Variants in TET3 observed in about 807,000 individuals in gnomAD.
The protein encoded by TET3 is methylcytosine dioxygenase TET3.
Under a neutral mutation model 141.4 loss-of-function variants are expected in TET3, and 19 were observed. That is an observed-to-expected ratio of 0.13 (90% CI 0.09 to 0.20). The LOEUF (loss-of-function observed/expected upper bound fraction) is 0.20, where lower values mean the gene tolerates loss of function less well. TET3 is among the 10% of genes least tolerant of loss of function. The pLI, the probability that TET3 is intolerant of heterozygous loss-of-function variation, is 1.00. For missense variants in TET3, 1,874 were observed against 2,356.9 expected (o/e 0.80, Z 4.24); for synonymous variants, 1,043 against 980.9 (o/e 1.06, Z -1.18).
chr2:74,001,242 G>A (rs112860517), intron 2 of TET3, among the ~76,000 whole-genome samples: 5 of 152,278 alleles, frequency 3.3e-5, no homozygotes, highest in Middle Eastern at 3.4e-3. Flanking sequence ...CCTGTTCTGA[G>A]TACCCCCTTT....
chr2:74,119,286 G>C, the TET3 span, among the ~76,000 whole-genome samples: 1 of 151,478 alleles, frequency 6.6e-6, no homozygotes, highest in Non-Finnish European at 1.5e-5. Context: ...CGGGGAGGCG[G>C]AGGTTGCAGT....
At chr2:74,132,163 G>A in the TET3 span, among the ~76,000 whole-genome samples, 2 of 152,046 alleles carry the variant, frequency 1.3e-5, no homozygotes, top group South Asian at 2.1e-4. Context: ...TTTTGGTAAC[G>A]CCTTCTCTCT....
chr2:74,116,921 C>G, the TET3 span, among the ~76,000 whole-genome samples: 416 of 152,076 alleles, frequency 2.7e-3, 2 homozygotes, highest in Non-Finnish European at 5.1e-3. Flanking sequence ...GAAGGGGACT[C>G]AGACACTAAG....
chr2:74,113,532 C>CAT, the TET3 span, among the ~76,000 whole-genome samples: 1 of 151,834 alleles, frequency 6.6e-6, no homozygotes, highest in Non-Finnish European at 1.5e-5. Context: ...GACAGGATCA[C>CAT]ATATATATAA....
chr2:74,010,836 C>G (rs1685390895), intron 3 of TET3, among the ~76,000 whole-genome samples: 1 of 152,240 alleles, frequency 6.6e-6, no homozygotes, highest in Non-Finnish European at 1.5e-5. Flanking sequence ...ATTCAGTGTT[C>G]TGTTCCATGA....
chr2:74,085,137 T>C (rs942789740), intron 6 of TET3, among the ~76,000 whole-genome samples: 4 of 150,172 alleles, frequency 2.7e-5, no homozygotes, highest in Non-Finnish European at 5.9e-5. Flanking sequence ...ATTGTTCGTA[T>C]ATTTTTCCAC....
At chr2:74,062,373 ATC>A (rs1688642634) in intron 4 of TET3, among the ~76,000 whole-genome samples, 1 of 152,274 alleles carries the variant, frequency 6.6e-6, no homozygotes, top group Admixed American at 6.5e-5. Context: ...TGAACACTAA[ATC>A]TGTTCAAATG....
At chr2:74,079,558 C>A (rs1689693507) in intron 5 of TET3, among the ~76,000 whole-genome samples, 1 of 152,194 alleles carries the variant, frequency 6.6e-6, no homozygotes, top group South Asian at 2.1e-4. Flanking sequence ...TGGACTCTTT[C>A]CTCATGCCAG....
In TET3 at chr2:74,101,965, A is replaced by C. The variant is rs565203881; in HGVS notation, c.5177A>C (p.Glu1726Ala). Reference protein sequence around the residue: ...LAERARARQEEAARLGLGQQE... With the variant: ...LAERARARQEAAARLGLGQQE... ...GAGAGGGCACGGGCACGGCAGGAGG[A>C]GGCTGCCCGGCTGGGCCTGGGCCAG... Residue 1726 changes from glutamate to alanine, a missense_variant, in exon 12 of 12, where the codon GAG becomes GCG. Physicochemically the swap from Glu to Ala is moderately radical, Grantham distance 107. Around this residue, in one of 10 missense-constraint regions of TET3, gnomAD observed 113 missense variants for 114.3 expected, o/e 0.99. Coordinates refer to ENST00000409262, the MANE Select transcript of TET3 (RefSeq NM_001287491.2). This position sits in a 1 kb window ranked among gnomAD's most constrained non-coding sequence, Gnocchi z 8.5. 15 of 1,608,668 alleles carry C rather than the reference A, an allele frequency of 9.3e-6. No individual in the cohort carries two copies. In the East Asian group the frequency reaches 2.2e-4, roughly 24 times the overall value.
chr2:74,030,195 T>A (rs78528129), intron 3 of TET3, among the ~76,000 whole-genome samples: 3,872 of 152,354 alleles, frequency 0.025, 75 homozygotes, highest in South Asian at 0.052. Context: ...GATGTGCTGA[T>A]AGCATCAGTG....
At chr2:74,126,826 T>C in the TET3 span, among the ~76,000 whole-genome samples, 2 of 152,148 alleles carry the variant, frequency 1.3e-5, no homozygotes, top group African/African-American at 4.8e-5. Context: ...AAGCAGTAAA[T>C]GTAAACGCTA....
At position 74,089,906 on chromosome 2, in the gene TET3, C is replaced by T. The variant is rs931068372; in HGVS notation, c.2898C>T (p.Cys966=). The T allele has an allele frequency of 3.7e-6, 6 of 1,613,922 alleles. No individual in the cohort carries two copies. The highest frequency in any genetic ancestry group is 2.2e-5 in the East Asian group (1 of 44,900). The part of the protein sequence containing the change: ...RRCGLNDDRT[C]ACQGKDPNTC... ...GTGCTGTGTGTTGCAGCCGGACCTG[C>T]GCTTGCCAAGGCAAAGACCCCAACA... The change falls in exon 8 of 12, where the codon TGC becomes TGT. Residue 966 remains cysteine (C), a synonymous_variant. Coordinates refer to ENST00000409262, the MANE Select transcript of TET3 (RefSeq NM_001287491.2).
intron 3 of TET3, among the ~76,000 whole-genome samples, chr2:74,010,236 G>A (rs575153411): frequency 1.3e-5 from 2 of 152,318 alleles, no homozygotes; most frequent in African/African-American, 4.8e-5. Flanking sequence ...GGGGCTCCGT[G>A]TCCAACCCGG....
rs766537188 is a variant in TET3, at chr2:74,013,609, AC to A, written c.360+10445del. 2.5e-3 allele frequency among the ~76,000 whole-genome samples: 376 copies of A among 152,010 alleles called. 1 individual carries two copies. Among genetic ancestry groups the A allele is most frequent in the Non-Finnish European group, 4.6e-3 (310 of 67,974 alleles). ...TGGATCACGAGGTCAGGAGATCGAG[AC>A]CATCCTGGCTAACACAGTGAAACCC... On this transcript the variant is annotated intron_variant, in intron 3 of 11. Transcript: ENST00000409262.
At chr2:74,033,225 T>C (rs531166336) in intron 3 of TET3, among the ~76,000 whole-genome samples, 124 of 152,306 alleles carry the variant, frequency 8.1e-4, no homozygotes, top group African/African-American at 2.8e-3. Flanking sequence ...TTGGAAACTA[T>C]AAACGAGAAA....
intron 4 of TET3, among the ~76,000 whole-genome samples, chr2:74,065,297 A>T (rs934474292): frequency 6.6e-6 from 1 of 152,200 alleles, no homozygotes; most frequent in South Asian, 2.1e-4. Flanking sequence ...TTTGAGCATC[A>T]TTATGGACTA....
the TET3 span, among the ~76,000 whole-genome samples, chr2:74,125,338 A>G: frequency 6.6e-6 from 1 of 152,210 alleles, no homozygotes; most frequent in Non-Finnish European, 1.5e-5. Context: ...TGACTCTTAC[A>G]GATAGCTTCA....
the TET3 span, among the ~76,000 whole-genome samples, chr2:74,114,259 G>A: frequency 6.6e-6 from 1 of 151,636 alleles, no homozygotes; most frequent in Non-Finnish European, 1.5e-5. Flanking sequence ...TAAGCTATGA[G>A]GACAGAAAGG....
intron 2 of TET3, among the ~76,000 whole-genome samples, chr2:73,986,998 G>C (rs1459204576): frequency 1.3e-5 from 2 of 152,218 alleles, no homozygotes; most frequent in African/African-American, 4.8e-5. Context: ...TTGTCCTGCT[G>C]CTTGAAGCCT....
Sources: gnomAD v4.1 joint callset for allele counts (sites outside exome capture counted in the v4.1 genomes callset) on GRCh38, gnomAD v4.1.1 for gene constraint, gnomAD v4.1.1 regional missense constraint, Gnocchi (gnomAD v3.1) non-coding constraint, MANE v1.5 for transcripts, NCBI Gene and HGNC (gene_info 2026-07-23, HGNC 2026-07-21) for gene names.